Variants in AKAP13 observed in about 807,000 individuals in gnomAD.
AKAP13 encodes the protein A-kinase anchoring protein 13, also known as A-kinase anchor protein 13.
AKAP13 carries 80 observed loss-of-function variants against 264.5 expected under a neutral mutation model. The observed-to-expected ratio is 0.30, with a 90% CI of 0.25 to 0.36. The LOEUF is 0.36. Among genes scored for constraint, AKAP13 ranks in the 10% least tolerant of loss-of-function variants. The pLI is 1.00. For synonymous variants in AKAP13, 1,380 were observed against 1,250.2 expected, an observed-to-expected ratio of 1.10 and a Z score of -2.19; for missense variants, 3,712 against 3,435.2, an observed-to-expected ratio of 1.08 and a Z score of -2.01.
At chr15:85,458,313 G>A (rs2074355010) in intron 1 of AKAP13, among the ~76,000 whole-genome samples, 1 of 150,180 alleles carries the variant, frequency 6.7e-6, no homozygotes, top group Admixed American at 6.6e-5. Flanking sequence ...ACCCATAATT[G>A]TAATTTCTAG....
chr15:85,593,946 T>C (rs1226791845), intron 8 of AKAP13, among the ~76,000 whole-genome samples: 4 of 152,220 alleles, frequency 2.6e-5, no homozygotes, highest in Non-Finnish European at 5.9e-5. Context: ...TGTTTCCTCA[T>C]TTGTAAATTT....
chr15:85,653,678 A>AT (rs901718191), intron 10 of AKAP13, among the ~76,000 whole-genome samples: 3 of 151,578 alleles, frequency 2.0e-5, no homozygotes, highest in Admixed American at 6.6e-5. Context: ...AAGAACCATA[A>AT]TTTTTTTTTA....
At chr15:85,563,329 G>GTTTTT (rs1184437606) in intron 5 of AKAP13, among the ~76,000 whole-genome samples, 62 of 54,160 alleles carry the variant, frequency 1.1e-3, no homozygotes, top group African/African-American at 1.7e-3. Flanking sequence ...GAATGTGCTT[G>GTTTTT]TTTTTTTTTT....
Position 85,718,842 on chromosome 15 carries a change from A to G in AKAP13, c.6002-234A>G, listed in dbSNP as rs545784344. On this transcript the variant is annotated intron_variant, in intron 22 of 36. Transcript: ENST00000394518. The surrounding 1 kb of genome is among the most constrained non-coding windows in gnomAD (Gnocchi z 4.9). ...TTGAGCCCAGGAGGTTGAGGCTGCAATGAGCCATGACTTCAGCCTGCACTT... is the reference window on the plus strand; with the variant it reads ...TTGAGCCCAGGAGGTTGAGGCTGCAGTGAGCCATGACTTCAGCCTGCACTT... 19 of 488,498 alleles carry G rather than the reference A, an allele frequency of 3.9e-5. No individual in the cohort carries two copies. Among genetic ancestry groups the G allele is most frequent in the African/African-American group, 2.7e-4 (14 of 51,252 alleles). 30.3% of individuals were successfully genotyped at this position (488,498 alleles called of 1,614,324 possible).
intron 8 of AKAP13, among the ~76,000 whole-genome samples, chr15:85,629,203 G>T (rs183465834): frequency 6.6e-6 from 1 of 152,144 alleles, no homozygotes; most frequent in Admixed American, 6.5e-5. Context: ...GAAAAGGAAG[G>T]AAGTGAGGGA....
intron 12 of AKAP13, among the ~76,000 whole-genome samples, chr15:85,659,974 C>G (rs1297026523): frequency 6.6e-6 from 1 of 152,102 alleles, no homozygotes; most frequent in Non-Finnish European, 1.5e-5. Flanking sequence ...CCAAAATACT[C>G]TTAATTATGA....
At chr15:85,674,918 T>G (rs1411856266) in intron 14 of AKAP13, among the ~76,000 whole-genome samples, 1 of 152,060 alleles carries the variant, frequency 6.6e-6, no homozygotes, top group Non-Finnish European at 1.5e-5. Context: ...CATTGACAAA[T>G]ACATCAGAAC....
intron 5 of AKAP13, among the ~76,000 whole-genome samples, chr15:85,563,064 A>C (rs2078462585): frequency 6.6e-6 from 1 of 151,836 alleles, no homozygotes; most frequent in African/African-American, 2.4e-5. Flanking sequence ...AAGCGAAATA[A>C]TTTGTCTTAG....
intron 6 of AKAP13, among the ~76,000 whole-genome samples, chr15:85,575,552 C>G (rs767519779): frequency 4.6e-5 from 7 of 152,092 alleles, no homozygotes. Context: ...AATTGGCCGG[C>G]CTGGTGGCGG....
Position 85,579,905 on chromosome 15 carries a change from G to A in AKAP13, c.1837G>A (p.Glu613Lys), listed in dbSNP as rs1351109703. Residue 613 changes from glutamate (E) to lysine (K), a missense_variant, in exon 7 of 37, where the codon GAG (glutamate) becomes AAG (lysine). Transcript: ENST00000394518. ...TACTCTCTTAGCAGCAGGCATAGGTGAGGCAATGTCACCCTCAGATTTAGC... is the reference window on the plus strand; with the variant it reads ...TACTCTCTTAGCAGCAGGCATAGGTAAGGCAATGTCACCCTCAGATTTAGC... ...PYTLLAAGIG[E>K]AMSPSDLALL... The A allele has an allele frequency of 1.2e-6, 2 of 1,614,096 alleles. No individual in the cohort carries two copies. The highest frequency in any genetic ancestry group is 1.3e-5 in the African/African-American group (1 of 74,926).
chr15:85,504,526 A>C (rs1255595715), intron 2 of AKAP13, among the ~76,000 whole-genome samples: 4 of 145,886 alleles, frequency 2.7e-5, no homozygotes, highest in Non-Finnish European at 6.0e-5. Flanking sequence ...AAAAAAAAAA[A>C]AAAAAAAAAG....
intron 5 of AKAP13, among the ~76,000 whole-genome samples, chr15:85,565,754 A>C (rs1191282855): frequency 6.6e-6 from 1 of 152,222 alleles, no homozygotes; most frequent in Non-Finnish European, 1.5e-5. Context: ...CCTAAGAAGG[A>C]GAGTGGACAG....
chr15:85,390,837 G>A (rs1166094498), intron 1 of AKAP13, among the ~76,000 whole-genome samples: 1 of 152,198 alleles, frequency 6.6e-6, no homozygotes, highest in African/African-American at 2.4e-5. Flanking sequence ...TGAACAACTG[G>A]GTAAATGGGG....
At position 85,521,707 on chromosome 15, in the gene AKAP13, G is replaced by A. The variant is rs1421661568; in HGVS notation, c.181+132G>A. On this transcript the variant is annotated intron_variant, in intron 3 of 36. Coordinates refer to ENST00000394518, the MANE Select transcript of AKAP13 (RefSeq NM_007200.5). ...AAAAAATTTATTAGTTTATAAAGCAGTTTGAATATCTGGTCCTGCTGGTAT... is the reference window on the plus strand; with the variant it reads ...AAAAAATTTATTAGTTTATAAAGCAATTTGAATATCTGGTCCTGCTGGTAT... 40 of 1,006,520 alleles carry A rather than the reference G, an allele frequency of 4.0e-5. No individual in the cohort carries two copies. In the Admixed American group the frequency reaches 7.2e-4, roughly 18 times the overall value. The allele number at this position is 1,006,520 out of a possible 1,614,324, so 62.3% of individuals were successfully genotyped here. A position where few individuals can be genotyped will look rare whatever the true frequency, so the allele number is the denominator to read the frequency against.
intron 8 of AKAP13, among the ~76,000 whole-genome samples, chr15:85,629,391 A>G (rs114886539): frequency 0.011 from 1,654 of 152,240 alleles, 19 homozygotes; most frequent in Middle Eastern, 0.044. Context: ...TGGGTCTAGT[A>G]AAGGGAAGCA....
intron 1 of AKAP13, among the ~76,000 whole-genome samples, chr15:85,393,398 C>A (rs1338856073): frequency 6.6e-6 from 1 of 152,180 alleles, no homozygotes; most frequent in Non-Finnish European, 1.5e-5. Context: ...TGCTTCCTCT[C>A]TTCAGGGATT....
intron 1 of AKAP13, among the ~76,000 whole-genome samples, chr15:85,471,456 C>T (rs2074957887): frequency 6.6e-6 from 1 of 152,214 alleles, no homozygotes; most frequent in Admixed American, 6.5e-5. Context: ...GATGGTGCCA[C>T]TACACTCCAG....
At chr15:85,567,566 G>T (rs2078649189) in intron 5 of AKAP13, among the ~76,000 whole-genome samples, 1 of 152,070 alleles carries the variant, frequency 6.6e-6, no homozygotes, top group Non-Finnish European at 1.5e-5. Context: ...TGGGGAAGAG[G>T]GGCAGACACT....
intron 13 of AKAP13, among the ~76,000 whole-genome samples, chr15:85,666,305 T>C (rs977111977): frequency 6.6e-5 from 10 of 152,216 alleles, no homozygotes; most frequent in Non-Finnish European, 1.5e-5. Flanking sequence ...CATGTGTCTG[T>C]TGGCTGCATA....
Sources: gnomAD v4.1 joint callset for allele counts (sites outside exome capture counted in the v4.1 genomes callset) on GRCh38, gnomAD v4.1.1 for gene constraint, Gnocchi (gnomAD v3.1) non-coding constraint, MANE v1.5 for transcripts, NCBI Gene and HGNC (gene_info 2026-07-23, HGNC 2026-07-21) for gene names.